Variants in WWOX observed in about 807,000 individuals in gnomAD.
WWOX encodes WW domain containing oxidoreductase, also known as WW domain-containing oxidoreductase.
Under a neutral mutation model 46.2 loss-of-function variants are expected in WWOX, and 69 were observed. The observed-to-expected ratio is 1.49, with a 90% confidence interval of 1.23 to 1.82. The LOEUF is 1.82. Among genes scored for constraint, WWOX ranks in the 40% most tolerant of loss-of-function variants. The pLI, the probability that WWOX is intolerant of heterozygous loss-of-function variation, is 0.00. For synonymous variants in WWOX, 359 were observed against 202.6 expected, an observed-to-expected ratio of 1.77 and a Z score of -6.56; for missense variants, 919 against 542.6, an observed-to-expected ratio of 1.69 and a Z score of -6.89.
intron 8 of WWOX, among the ~76,000 whole-genome samples, chr16:78,977,647 A>C (rs2046599443): frequency 6.6e-6 from 1 of 152,178 alleles, no homozygotes; most frequent in Non-Finnish European, 1.5e-5. Context: ...GTGAAAGCTC[A>C]GCCTCGAAAG....
rs545413851 is a variant in WWOX, at chr16:78,220,530, T to C, written c.516+56241T>C. 3.3e-5 allele frequency among the ~76,000 whole-genome samples: 5 copies of C among 152,306 alleles called. No homozygotes were observed. In the East Asian group the frequency reaches 9.6e-4, roughly 29 times the overall value. On this transcript the variant is annotated intron_variant, in intron 5 of 8. Coordinates refer to ENST00000566780, the MANE Select transcript of WWOX (RefSeq NM_016373.4). ...CTGATCATAACTTGAAAATCAAAGC[T>C]TTCTGTTCAGTTTAACCATCTTTTA... is the stretch of plus-strand genomic sequence containing the variant.
chr16:78,884,379 T>G (rs1350943852), intron 8 of WWOX, among the ~76,000 whole-genome samples: 2 of 152,004 alleles, frequency 1.3e-5, no homozygotes, highest in Non-Finnish European at 2.9e-5. Flanking sequence ...TTTAGCAGCA[T>G]TATTCATTAT....
At chr16:78,651,456 A>G (rs373770639) in intron 8 of WWOX, among the ~76,000 whole-genome samples, 11 of 152,244 alleles carry the variant, frequency 7.2e-5, no homozygotes, top group African/African-American at 2.4e-4. Context: ...GAAGCCATGC[A>G]GGTCCCTGGA....
chr16:78,704,836 A>G (rs1237485009), intron 8 of WWOX, among the ~76,000 whole-genome samples: 2 of 152,006 alleles, frequency 1.3e-5, no homozygotes, highest in Admixed American at 6.6e-5. Flanking sequence ...GTTTCAGAGC[A>G]TTGACATTAC....
At chr16:78,386,775 G>C in intron 5 of WWOX, 85 bp from the exon 6 acceptor site, 1 of 1,216,576 alleles carries the variant, frequency 8.2e-7, no homozygotes, top group East Asian at 2.3e-5. Context: ...ATTCCGACAT[G>C]TTCCATAACA....
At chr16:78,945,256 C>G (rs183421306) in intron 8 of WWOX, among the ~76,000 whole-genome samples, 33 of 152,246 alleles carry the variant, frequency 2.2e-4, no homozygotes, top group Middle Eastern at 3.4e-3. Flanking sequence ...AACAGTGGCA[C>G]CAGTTCTTCT....
At chr16:78,737,792 A>T (rs1160238422) in intron 8 of WWOX, among the ~76,000 whole-genome samples, 1 of 152,066 alleles carries the variant, frequency 6.6e-6, no homozygotes, top group Non-Finnish European at 1.5e-5. Context: ...AGAAACTTTT[A>T]CAGAGTGTTT....
chr16:78,784,513 T>G (rs946115560), intron 8 of WWOX, among the ~76,000 whole-genome samples: 1 of 152,076 alleles, frequency 6.6e-6, no homozygotes, highest in Non-Finnish European at 1.5e-5. Context: ...CTTGTGACTT[T>G]GAACAAATTA....
intron 8 of WWOX, among the ~76,000 whole-genome samples, chr16:79,109,919 G>T (rs557993975): frequency 1.3e-5 from 2 of 152,156 alleles, no homozygotes; most frequent in Non-Finnish European, 2.9e-5. Context: ...AGAAACTTTG[G>T]AGTAGTATGT....
chr16:79,026,776 C>T (rs990972955), intron 8 of WWOX, among the ~76,000 whole-genome samples: 1 of 117,032 alleles, frequency 8.5e-6, no homozygotes, highest in African/African-American at 3.4e-5. Context: ...TGCCACCACG[C>T]CCGGCTAATT....
chr16:78,222,287 C>T lies in WWOX; in HGVS notation c.516+57998C>T, dbSNP rs1484245998. Among the ~76,000 whole-genome samples, 3 of 149,960 alleles carry T rather than the reference C, an allele frequency of 2.0e-5. No homozygotes were observed. The East Asian group carries it at 5.9e-4, about 29-fold the overall frequency. ...TTTCCAACGCGTATTTCTTCAGGGC[C>T]AAGGGCCCAGCTGTGCCTCATTAGG... On this transcript the variant is annotated intron_variant, in intron 5 of 8. Transcript: ENST00000566780.
chr16:78,625,798 G>T (rs2046298401), intron 8 of WWOX, among the ~76,000 whole-genome samples: 3 of 115,898 alleles, frequency 2.6e-5, no homozygotes, highest in African/African-American at 1.0e-4. Flanking sequence ...TAAAAGTAAT[G>T]GCAAAAACTG....
At chr16:78,970,334 C>G (rs960056419) in intron 8 of WWOX, among the ~76,000 whole-genome samples, 11 of 152,218 alleles carry the variant, frequency 7.2e-5, no homozygotes, top group African/African-American at 2.7e-4. Context: ...TTTGGACTTT[C>G]TCTAGTTCAC....
At chr16:78,741,390 A>T (rs2049224176) in intron 8 of WWOX, among the ~76,000 whole-genome samples, 1 of 151,882 alleles carries the variant, frequency 6.6e-6, no homozygotes, top group Non-Finnish European at 1.5e-5. Context: ...GTGAGATCCC[A>T]TCTCTACTAA....
intron 5 of WWOX, among the ~76,000 whole-genome samples, chr16:78,265,600 T>C (rs28450919): frequency 0.56 from 84,604 of 150,816 alleles, 23,970 homozygotes; most frequent in East Asian, 0.7. Flanking sequence ...ATTGCTTGAG[T>C]CTGGGAGGCG....
At chr16:78,916,155 C>G (rs1271516436) in intron 8 of WWOX, among the ~76,000 whole-genome samples, 3 of 152,152 alleles carry the variant, frequency 2.0e-5, no homozygotes, top group Admixed American at 6.6e-5. Flanking sequence ...AAACAATGCT[C>G]TCAGCCGAAT....
chr16:78,871,300 A>G (rs2044123781), intron 8 of WWOX, among the ~76,000 whole-genome samples: 2 of 152,034 alleles, frequency 1.3e-5, no homozygotes, highest in Admixed American at 1.3e-4. Context: ...GCACTGCTGA[A>G]CCTGCTGAAT....
chr16:78,781,796 G>T (rs2050333232), intron 8 of WWOX, among the ~76,000 whole-genome samples: 1 of 152,136 alleles, frequency 6.6e-6, no homozygotes, highest in Admixed American at 6.5e-5. Context: ...GTCAGTCAAA[G>T]ACATGAATAT....
At chr16:79,015,988 A>G (rs977741237) in intron 8 of WWOX, 3 of 152,282 alleles carry the variant, frequency 2.0e-5, no homozygotes, top group Admixed American at 6.5e-5. Flanking sequence ...TGACCTCGTG[A>G]TCTGCCCGCC....
Sources: gnomAD v4.1 joint callset for allele counts (sites outside exome capture counted in the v4.1 genomes callset) on GRCh38, gnomAD v4.1.1 for gene constraint, MANE v1.5 for transcripts, NCBI Gene and HGNC (gene_info 2026-07-23, HGNC 2026-07-21) for gene names.